DIPK2B: variants seen among roughly 807,000 people sequenced by gnomAD.
The protein encoded by DIPK2B is UPF0672 protein CXorf36.
Under a neutral mutation model 22.2 loss-of-function variants are expected in DIPK2B, and 15 were observed. The observed-to-expected ratio is 0.68, with a 90% CI of 0.45 to 1.04. DIPK2B has a LOEUF of 1.04. DIPK2B is among the 50% of genes least tolerant of loss of function. DIPK2B has a pLI of 0.00. For missense variants in DIPK2B, 345 were observed against 348.3 expected (o/e 0.99, Z 0.08); for synonymous variants, 163 against 153.2 (o/e 1.06, Z -0.47).
chrX:45,184,951 T>C (rs1160635259), intron 2 of DIPK2B, among the ~76,000 whole-genome samples: 1 of 112,183 alleles, frequency 8.9e-6, no homozygotes, highest in East Asian at 2.8e-4. Flanking sequence ...CTATTATAGT[T>C]AATGTCTGAT....
chrX:45,191,435 C>T (rs1157060138), intron 2 of DIPK2B: 1 of 267,462 alleles, frequency 3.7e-6, no homozygotes, highest in Non-Finnish European at 6.6e-6. Flanking sequence ...GAGTTGAGCC[C>T]TGGCAGAGGG....
chrX:45,184,597 A>T (rs913523356), intron 2 of DIPK2B, among the ~76,000 whole-genome samples: 1 of 112,305 alleles, frequency 8.9e-6, no homozygotes, highest in African/African-American at 3.2e-5. Context: ...TATGCCTTCC[A>T]CAGACCTCTT....
intron 2 of DIPK2B, chrX:45,163,729 A>C (rs1035444414): frequency 1.3e-6 from 1 of 757,312 alleles, no homozygotes; most frequent in Non-Finnish European, 1.6e-6. Context: ...AAGAGAGTTC[A>C]TCCATCACTA....
chrX:45,182,443 GCTA>G (rs1481722994), intron 2 of DIPK2B, among the ~76,000 whole-genome samples: 2 of 112,514 alleles, frequency 1.8e-5, no homozygotes, highest in African/African-American at 6.5e-5. Flanking sequence ...TTCTCCCATT[GCTA>G]ATAGGAGGAA....
At chrX:45,155,505 A>G (rs1457425700) in intron 3 of DIPK2B, among the ~76,000 whole-genome samples, 2 of 109,130 alleles carry the variant, frequency 1.8e-5, no homozygotes, top group African/African-American at 3.3e-5. Flanking sequence ...GGCAAAAATC[A>G]TAAGGGTGGT....
intron 2 of DIPK2B, among the ~76,000 whole-genome samples, chrX:45,170,243 CAAAAAAAAAA>C (rs145240278): frequency 3.8e-5 from 2 of 52,618 alleles, no homozygotes; most frequent in African/African-American, 7.8e-5. Context: ...GACTCCGTCT[CAAAAAAAAAA>C]AAAAAAAAAA....
At chrX:45,170,184 C>G (rs1205625167) in intron 2 of DIPK2B, among the ~76,000 whole-genome samples, 2 of 101,162 alleles carry the variant, frequency 2.0e-5, no homozygotes, top group Non-Finnish European at 3.9e-5. Flanking sequence ...GCAGAGGTTG[C>G]AGTGAGCCAA....
At chrX:45,199,067 A>G (rs1443515772) in intron 1 of DIPK2B, among the ~76,000 whole-genome samples, 1 of 111,931 alleles carries the variant, frequency 8.9e-6, no homozygotes, top group Non-Finnish European at 1.9e-5. Flanking sequence ...CCTGCAGTAG[A>G]GATTCCTCAA....
intron 2 of DIPK2B, among the ~76,000 whole-genome samples, chrX:45,175,631 G>A (rs1466333103): frequency 2.0e-5 from 2 of 101,291 alleles, no homozygotes; most frequent in Non-Finnish European, 4.0e-5. Context: ...ATATATATAT[G>A]TGTGTATATA....
chrX:45,194,438 CG>C (rs2047228363), intron 1 of DIPK2B, among the ~76,000 whole-genome samples: 1 of 108,597 alleles, frequency 9.2e-6, no homozygotes, highest in African/African-American at 3.4e-5. Context: ...TTAGTAGAGA[CG>C]GGGTTTCACC....
chrX:45,185,438 TGTA>T (rs895909701), intron 2 of DIPK2B, among the ~76,000 whole-genome samples: 4 of 110,695 alleles, frequency 3.6e-5, no homozygotes. Context: ...AAGCTTGCTT[TGTA>T]TTGTTTGTTC....
chrX:45,174,422 A>G (rs1188058247), intron 2 of DIPK2B, among the ~76,000 whole-genome samples: 1 of 111,805 alleles, frequency 8.9e-6, no homozygotes, highest in East Asian at 2.8e-4. Flanking sequence ...GGGCACAGTG[A>G]CATATATACC....
In DIPK2B at chrX:45,149,578, G is replaced by C. The variant is rs1275772976; in HGVS notation, c.*2074C>G. ...CTTTTCTGGGGTCCATTTTTGAATG[G>C]GAGTGAAGGAACCAGAATTGGGTAG... On this transcript the variant is annotated 3_prime_UTR_variant, in exon 5 of 5. Coordinates refer to ENST00000398000, the MANE Select transcript of DIPK2B (RefSeq NM_176819.4). 1 of 112,727 alleles carries C rather than the reference G, an allele frequency of 8.9e-6. No homozygotes were observed. The highest frequency in any genetic ancestry group is 9.4e-5 in the Admixed American group (1 of 10,632). 9.3% of individuals were successfully genotyped at this position (112,727 alleles called of 1,213,427 possible).
intron 3 of DIPK2B, 114 bp downstream of exon 3, chrX:45,157,601 C>T: frequency 1.3e-6 from 1 of 787,083 alleles, no homozygotes; most frequent in Non-Finnish European, 1.8e-6. Flanking sequence ...GGTCCTAACA[C>T]GGGCTAGTGG....
chrX:45,178,177 G>T (rs897956455), intron 2 of DIPK2B, among the ~76,000 whole-genome samples: 1 of 111,975 alleles, frequency 8.9e-6, no homozygotes, highest in Non-Finnish European at 1.9e-5. Context: ...CAGTTCCCTT[G>T]GTATATGCTG....
intron 2 of DIPK2B, chrX:45,164,256 A>T: frequency 8.4e-7 from 1 of 1,195,081 alleles, no homozygotes; most frequent in Non-Finnish European, 1.1e-6. Context: ...AGTCCTGAAA[A>T]TTTAAAATGA....
Position 45,149,145 on chromosome X carries a change from G to GT in DIPK2B, c.*2506dup, listed in dbSNP as rs1220092178. The GT allele has an allele frequency of 8.9e-6, 1 of 112,762 alleles. No homozygotes were observed. Among genetic ancestry groups the GT allele is most frequent in the East Asian group, 2.8e-4 (1 of 3,573 alleles). The allele number at this position is 112,762 out of a possible 1,213,427, so 9.3% of individuals were successfully genotyped here. ...ACGCAGGGCCAAAGTCGCTCATTGT[G>GT]TGGAGGCATTTTGCGGTGGAAACAC... On this transcript the variant is annotated 3_prime_UTR_variant, in exon 5 of 5. Coordinates refer to ENST00000398000, the MANE Select transcript of DIPK2B (RefSeq NM_176819.4).
intron 3 of DIPK2B, among the ~76,000 whole-genome samples, chrX:45,156,543 C>T (rs751771005): frequency 3.6e-5 from 4 of 111,901 alleles, no homozygotes; most frequent in Non-Finnish European, 5.6e-5. Flanking sequence ...AGGCCAATGT[C>T]GCCAGGCAGG....
At position 45,182,074 on chromosome X, in the gene DIPK2B, C is replaced by CAAA. The variant is rs200586875; in HGVS notation, c.498+9674_498+9676dup. On this transcript the variant is annotated intron_variant, in intron 2 of 4. Coordinates refer to ENST00000398000, the MANE Select transcript of DIPK2B (RefSeq NM_176819.4). ...GCTTGGTGACAGAGACACCCTGTCTCAAAAAAAAAAAAAAATACCATTAAG... is the reference window on the plus strand; with the variant it reads ...GCTTGGTGACAGAGACACCCTGTCTCAAAAAAAAAAAAAAAAAATACCATTAAG... Among the ~76,000 whole-genome samples the CAAA allele has an allele frequency of 6.5e-3, 561 of 86,744 alleles. 5 individuals carry two copies. Among genetic ancestry groups the CAAA allele is most frequent in the African/African-American group, 0.021 (491 of 23,861 alleles). The allele number at this position is 86,744 out of a possible 115,157, so 75.3% of individuals were successfully genotyped here.
Sources: allele counts gnomAD v4.1 joint callset (sites outside exome capture counted in the v4.1 genomes callset), GRCh38; gene constraint gnomAD v4.1.1; transcripts MANE v1.5; gene names NCBI Gene and HGNC (gene_info 2026-07-23, HGNC 2026-07-21).